SDK1: variants seen among roughly 807,000 people sequenced by gnomAD.
The protein encoded by SDK1 is sidekick cell adhesion molecule 1, also known as protein sidekick-1.
A neutral mutation model predicts 245.5 loss-of-function variants in SDK1; 157 were observed. That is an observed-to-expected ratio of 0.64 (90% CI 0.56 to 0.73). The LOEUF (loss-of-function observed/expected upper bound fraction) is 0.73, where lower values mean the gene tolerates loss of function less well. Ranked by LOEUF, SDK1 falls within the 30% of genes least tolerant of loss-of-function variation. The pLI is 0.00. For missense variants in SDK1, 3,583 were observed against 3,002.3 expected (o/e 1.19, Z -4.52); for synonymous variants, 1,647 against 1,278.5 (o/e 1.29, Z -6.15).
chr7:3,772,365 A>G (rs895684486), intron 4 of SDK1, among the ~76,000 whole-genome samples: 1 of 152,116 alleles, frequency 6.6e-6, no homozygotes, highest in Non-Finnish European at 1.5e-5. Context: ...TCAATATTAT[A>G]CAAAGTGCTG....
At chr7:3,868,435 A>C (rs910553057) in intron 5 of SDK1, among the ~76,000 whole-genome samples, 1 of 152,194 alleles carries the variant, frequency 6.6e-6, no homozygotes, top group Non-Finnish European at 1.5e-5. Context: ...AAAGAAAGCC[A>C]CCTTATCAAA....
intron 22 of SDK1, among the ~76,000 whole-genome samples, chr7:4,108,759 C>T (rs1246560966): frequency 1.3e-5 from 2 of 152,146 alleles, no homozygotes; most frequent in Admixed American, 6.5e-5. Context: ...GCAACCACCA[C>T]ATCTGTCTAG....
chr7:3,415,590 A>G (rs1290960070), intron 1 of SDK1, among the ~76,000 whole-genome samples: 1 of 152,024 alleles, frequency 6.6e-6, no homozygotes, highest in Non-Finnish European at 1.5e-5. Flanking sequence ...CCATATACAC[A>G]CACAGAAGTA....
At chr7:4,096,984 A>G (rs1782190982) in intron 22 of SDK1, among the ~76,000 whole-genome samples, 2 of 152,210 alleles carry the variant, frequency 1.3e-5, no homozygotes, top group Non-Finnish European at 2.9e-5. Context: ...AGTGCACTCG[A>G]GCAGAATCAC....
At chr7:4,168,257 C>T (rs1309816839) in intron 32 of SDK1, among the ~76,000 whole-genome samples, 4 of 152,228 alleles carry the variant, frequency 2.6e-5, no homozygotes, top group Non-Finnish European at 1.5e-5. Context: ...CTGCCAGGAG[C>T]GGATGCATTT....
chr7:4,012,278 T>C, intron 16 of SDK1, 43 bp downstream of exon 16: 1 of 1,433,668 alleles, frequency 7.0e-7, no homozygotes, highest in Non-Finnish European at 9.2e-7. Flanking sequence ...GCCATTAGAG[T>C]TGAGCGTCGA....
intron 1 of SDK1, among the ~76,000 whole-genome samples, chr7:3,390,711 A>G (rs1160315538): frequency 2.0e-5 from 3 of 152,166 alleles, no homozygotes; most frequent in Non-Finnish European, 4.4e-5. Context: ...AATGCCAAGT[A>G]TTGTTGGAAC....
chr7:3,590,300 CTTT>C lies in SDK1; in HGVS notation c.299-28761_299-28759del, dbSNP rs200303832. On this transcript the variant is annotated intron_variant, in intron 1 of 44. Coordinates refer to ENST00000404826, the MANE Select transcript of SDK1 (RefSeq NM_152744.4). Reference sequence around the variant, plus strand: ...TCAACTTTCACCTCCTTTCCTGTTCCTTTTTTTTTTTTTTTTTTTTTGCTTTGA... The same window carrying C: ...TCAACTTTCACCTCCTTTCCTGTTCCTTTTTTTTTTTTTTTTTTGCTTTGA... Among the ~76,000 whole-genome samples the C allele has an allele frequency of 4.0e-3, 387 of 96,138 alleles. 1 individual carries two copies. Among genetic ancestry groups the C allele is most frequent in the African/African-American group, 0.014 (358 of 25,966 alleles). The allele number at this position is 96,138 out of a possible 152,430, so 63.1% of individuals were successfully genotyped here. A position where few individuals can be genotyped will look rare whatever the true frequency, so the allele number is the denominator to read the frequency against.
intron 44 of SDK1, among the ~76,000 whole-genome samples, chr7:4,260,118 C>T (rs1010354782): frequency 3.7e-4 from 56 of 151,754 alleles, no homozygotes; most frequent in African/African-American, 1.3e-3. Context: ...ATGTGTTCAT[C>T]GTCACCTGAT....
chr7:3,634,053 A>T, intron 2 of SDK1, among the ~76,000 whole-genome samples: 1 of 152,148 alleles, frequency 6.6e-6, no homozygotes, highest in East Asian at 1.9e-4. Flanking sequence ...CCCCAGATTT[A>T]AAAATCCAGA....
In SDK1 at chr7:3,557,618, C is replaced by T. The variant is rs572222658; in HGVS notation, c.299-61462C>T. On this transcript the variant is annotated intron_variant, in intron 1 of 44. Transcript: ENST00000404826. ...CTGAGTAAGATAATTGGATTATATC[C>T]ATGTCAAAGAAATCCTGGTCCCAGC... Among the ~76,000 whole-genome samples the T allele has an allele frequency of 2.6e-5, 4 of 152,268 alleles. No individual in the cohort carries two copies. In the South Asian group the frequency reaches 8.3e-4, roughly 32 times the overall value.
chr7:4,208,542 C>G (rs1019359789), intron 37 of SDK1, among the ~76,000 whole-genome samples: 1 of 152,200 alleles, frequency 6.6e-6, no homozygotes, highest in African/African-American at 2.4e-5. Context: ...TCCCAGAGCC[C>G]TGGAGATTCA....
At chr7:3,999,005 C>T (rs1170363368) in intron 14 of SDK1, among the ~76,000 whole-genome samples, 1 of 152,130 alleles carries the variant, frequency 6.6e-6, no homozygotes, top group African/African-American at 2.4e-5. Flanking sequence ...CATTCTTCTC[C>T]TTTATGAGTT....
Position 4,247,093 on chromosome 7 carries a change from A to G in SDK1, c.6381+1288A>G, listed in dbSNP as rs527376589. 2.0e-4 allele frequency among the ~76,000 whole-genome samples: 31 copies of G among 152,276 alleles called. No individual in the cohort carries two copies. The East Asian group carries it at 6.0e-3, about 29-fold the overall frequency. ...TGGAGAGGGGTGAAAATCACCAACCATTGGCTGTACACATAGGCCTGCCCC... is the reference window on the plus strand; with the variant it reads ...TGGAGAGGGGTGAAAATCACCAACCGTTGGCTGTACACATAGGCCTGCCCC... On this transcript the variant is annotated intron_variant, in intron 44 of 44. Coordinates refer to ENST00000404826, the MANE Select transcript of SDK1 (RefSeq NM_152744.4).
intron 35 of SDK1, among the ~76,000 whole-genome samples, chr7:4,181,805 G>A (rs754759639): frequency 6.6e-5 from 10 of 152,228 alleles, no homozygotes; most frequent in East Asian, 1.9e-4. Flanking sequence ...CACAGAGCTC[G>A]AAGGCGGGTG....
At chr7:3,790,428 A>G (rs1189279228) in intron 4 of SDK1, among the ~76,000 whole-genome samples, 1 of 152,132 alleles carries the variant, frequency 6.6e-6, no homozygotes. Flanking sequence ...CAGTCTGCAG[A>G]GAATAGTGTG....
At chr7:3,380,318 C>A (rs10499328) in intron 1 of SDK1, among the ~76,000 whole-genome samples, 18,752 of 152,210 alleles carry the variant, frequency 0.12, 1,410 homozygotes, top group African/African-American at 0.21. Context: ...CTTAGGAATT[C>A]TTGCTAGTAT....
intron 17 of SDK1, among the ~76,000 whole-genome samples, chr7:4,028,696 T>C (rs956421418): frequency 6.6e-6 from 1 of 152,246 alleles, no homozygotes; most frequent in East Asian, 1.9e-4. Context: ...GAAGGTCTCA[T>C]TGGCCACACT....
At chr7:4,068,109 C>A (rs1372538746) in intron 20 of SDK1, among the ~76,000 whole-genome samples, 173 bp downstream of exon 20, 1 of 152,168 alleles carries the variant, frequency 6.6e-6, no homozygotes, top group Non-Finnish European at 1.5e-5. Flanking sequence ...GGGACTGCCC[C>A]AGTGAGAGCC....
Sources: gnomAD v4.1 joint callset for allele counts (sites outside exome capture counted in the v4.1 genomes callset) on GRCh38, gnomAD v4.1.1 for gene constraint, MANE v1.5 for transcripts, NCBI Gene and HGNC (gene_info 2026-07-23, HGNC 2026-07-21) for gene names.